The following MXD4 variants were observed in gnomAD, a reference collection of about 807,000 sequenced individuals.
MXD4 encodes MAX dimerization protein 4, also known as Mad4 homolog.
Under a neutral mutation model 24.5 loss-of-function variants are expected in MXD4, and 16 were observed. The observed-to-expected ratio is 0.65, with a 90% confidence interval of 0.44 to 0.99. The LOEUF is 0.99. MXD4 is among the 50% of genes least tolerant of loss of function. The pLI is 0.00. For missense variants in MXD4, 301 were observed against 301.5 expected, an observed-to-expected ratio of 1.00 and a Z score of 0.01; for synonymous variants, 164 against 134.2, an observed-to-expected ratio of 1.22 and a Z score of -1.54.
At chr4:2,250,727 G>A in intron 5 of MXD4, 26 bp from the exon 6 acceptor site, 1 of 1,604,378 alleles carries the variant, frequency 6.2e-7, no homozygotes, top group Non-Finnish European at 8.5e-7. Flanking sequence ...TGGGGATGGG[G>A]TCAGGCCACT....
intron 3 of MXD4, chr4:2,254,816 C>G (rs929813870): frequency 4.3e-5 from 7 of 161,056 alleles, no homozygotes; most frequent in Admixed American, 1.7e-4. Flanking sequence ...GACAGGCTGA[C>G]ATGAGAAGGG....
chr4:2,250,244 A>T lies in MXD4; in HGVS notation c.*300T>A. Reference sequence around the variant, plus strand: ...GCCGAGGTTTGCAGCAATGACGTTTAATACTTCTGGAATGATTAGGAATCT... The same window carrying T: ...GCCGAGGTTTGCAGCAATGACGTTTTATACTTCTGGAATGATTAGGAATCT... On this transcript the variant is annotated 3_prime_UTR_variant, in exon 6 of 6. Transcript: ENST00000337190. 1 of 435,014 alleles carries T rather than the reference A, an allele frequency of 2.3e-6. No individual in the cohort carries two copies. Among genetic ancestry groups the T allele is most frequent in the Non-Finnish European group, 4.1e-6 (1 of 242,726 alleles). The allele number at this position is 435,014 out of a possible 1,614,324, so 26.9% of individuals were successfully genotyped here.
rs1315845025 is a variant in MXD4, at chr4:2,261,796, C to A, written c.93G>T (p.Leu31=). 1 of 1,426,290 alleles carries A rather than the reference C, an allele frequency of 7.0e-7. No individual in the cohort carries two copies. Among genetic ancestry groups the A allele is most frequent in the Non-Finnish European group, 9.2e-7 (1 of 1,082,198 alleles). The allele number at this position is 1,426,290 out of a possible 1,614,324, so 88.4% of individuals were successfully genotyped here. A position where few individuals can be genotyped will look rare whatever the true frequency, so the allele number is the denominator to read the frequency against. Residue 31 remains leucine, a synonymous_variant, in exon 2 of 6, where the codon CTG becomes CTT. Coordinates refer to ENST00000337190, the MANE Select transcript of MXD4 (RefSeq NM_006454.3). The part of the protein sequence containing the change: ...REAEHGYASV[L]PFDGDFAREK... ...CCCTGGCGAAGTCGCCGTCGAAGGG[C>A]AGCACCGAGGCGTAGCCGTGCTCGG...
chr4:2,255,760 A>G (rs1735412711), intron 3 of MXD4, among the ~76,000 whole-genome samples: 1 of 152,164 alleles, frequency 6.6e-6, no homozygotes, highest in African/African-American at 2.4e-5. Context: ...CTGGGCTGGT[A>G]TCGACAGCAG....
intron 2 of MXD4, among the ~76,000 whole-genome samples, chr4:2,260,148 C>T (rs2108791769): frequency 6.6e-6 from 1 of 152,336 alleles, no homozygotes; most frequent in Middle Eastern, 3.4e-3. Flanking sequence ...GGGAGCGGGG[C>T]TCGGCCCAGA....
chr4:2,262,055 G>GC lies in MXD4; in HGVS notation c.-76dup. 1 of 844,974 alleles carries GC rather than the reference G, an allele frequency of 1.2e-6. No individual in the cohort carries two copies. Among genetic ancestry groups the GC allele is most frequent in the Non-Finnish European group, 1.4e-6 (1 of 701,206 alleles). 52.3% of individuals were successfully genotyped at this position (844,974 alleles called of 1,614,324 possible). On this transcript the variant is annotated 5_prime_UTR_variant, in exon 1 of 6. Transcript: ENST00000337190. ...CCCGCTCCGGCCGGCTCCGCTCGCC[G>GC]CCCACCCCGCGCGCCCGGCCGCCGC...
chr4:2,255,858 C>T (rs763479215), intron 3 of MXD4, among the ~76,000 whole-genome samples: 8 of 152,188 alleles, frequency 5.3e-5, no homozygotes, highest in East Asian at 1.9e-4. Flanking sequence ...CATGGCTCCA[C>T]GCCAGCATCC....
chr4:2,257,111 G>C (rs762828543), intron 3 of MXD4, among the ~76,000 whole-genome samples: 2 of 152,212 alleles, frequency 1.3e-5, no homozygotes, highest in African/African-American at 2.4e-5. Context: ...CCCAGCCAGC[G>C]GCCTGAATCC....
rs1265514701 is a variant in MXD4, at chr4:2,250,626, T to G, written c.548A>C (p.His183Pro). Residue 183 changes from histidine to proline, a missense_variant, in exon 6 of 6, where the codon CAC (histidine) becomes CCC (proline). Physicochemically the swap from His to Pro is moderately conservative, Grantham distance 77. Transcript: ENST00000337190. ...GCCGGTGCCACTCTGCAGGCTGTAG[T>G]GGTCGTCCGCGTCACTGCTGCTGCC... ...SVGSSSDADD[H>P]YSLQSGTGGD... 6.2e-7 allele frequency: 1 copy of G among 1,613,408 alleles called. No homozygotes were observed. The highest frequency in any genetic ancestry group is 2.2e-5 in the East Asian group (1 of 44,876).
At chr4:2,255,283 G>A (rs1201902115) in intron 3 of MXD4, 3 of 456,026 alleles carry the variant, frequency 6.6e-6, no homozygotes, top group East Asian at 1.4e-4. Context: ...CTGAGTGCCT[G>A]GGATGCGGTC....
intron 4 of MXD4, among the ~76,000 whole-genome samples, chr4:2,251,857 C>G (rs1336075674): frequency 6.6e-6 from 1 of 152,214 alleles, no homozygotes; most frequent in African/African-American, 2.4e-5. Context: ...GAGATTTGCC[C>G]TGGTTGGTCC....
chr4:2,261,351 C>A (rs1208917102), intron 2 of MXD4, among the ~76,000 whole-genome samples: 5 of 152,232 alleles, frequency 3.3e-5, no homozygotes, highest in Non-Finnish European at 7.3e-5. Flanking sequence ...CCTGGCTGAG[C>A]CTGTTTCCCC....
chr4:2,252,603 C>T, intron 3 of MXD4, 81 bp from the exon 4 acceptor site: 1 of 888,826 alleles, frequency 1.1e-6, no homozygotes, highest in Non-Finnish European at 1.7e-6. Flanking sequence ...ACAGACCCAC[C>T]CCCACCATCC....
intron 3 of MXD4, among the ~76,000 whole-genome samples, chr4:2,255,982 C>T (rs1045897071): frequency 6.6e-6 from 1 of 152,142 alleles, no homozygotes; most frequent in Non-Finnish European, 1.5e-5. Flanking sequence ...CAGAACTTCC[C>T]GAGGTATGTG....
chr4:2,261,822 C>T lies in MXD4; in HGVS notation c.67G>A (p.Ala23Thr), dbSNP rs1372751036. The T allele has an allele frequency of 2.9e-6, 4 of 1,381,924 alleles. No homozygotes were observed. The highest frequency in any genetic ancestry group is 1.5e-5 in the South Asian group (1 of 67,040). 85.6% of individuals were successfully genotyped at this position (1,381,924 alleles called of 1,614,324 possible). ...AEYLERRDRE[A>T]EHGYASVLPF... is the part of the protein sequence containing the mutation. ...AGCACCGAGGCGTAGCCGTGCTCGG[C>T]CTCTGCGGACACACGGCGCGGTCAG... is the stretch of plus-strand genomic sequence containing the variant. Residue 23 changes from alanine to threonine, a missense_variant and splice_region_variant, in exon 2 of 6, where the codon GCC (alanine) becomes ACC (threonine). Ala to Thr is a moderately conservative substitution (Grantham distance 58, BLOSUM62 0). Coordinates refer to ENST00000337190, the MANE Select transcript of MXD4 (RefSeq NM_006454.3).
At chr4:2,258,091 C>A (rs1735467183) in intron 2 of MXD4, 80 bp from the exon 3 acceptor site, 1 of 1,556,688 alleles carries the variant, frequency 6.4e-7, no homozygotes, top group Non-Finnish European at 8.8e-7. Context: ...TCCTAGGGGG[C>A]CAGGACCTGC....
At chr4:2,255,118 G>A (rs1414445818) in intron 3 of MXD4, 4 of 367,970 alleles carry the variant, frequency 1.1e-5, no homozygotes, top group Non-Finnish European at 2.2e-5. Context: ...ATGAGAAGGT[G>A]GAGGAGTGTG....
At chr4:2,257,866 G>C in intron 3 of MXD4, 116 bp downstream of exon 3, 3 of 1,358,362 alleles carry the variant, frequency 2.2e-6, no homozygotes, top group Non-Finnish European at 3.1e-6. Flanking sequence ...CAAGGACACA[G>C]CCTGGCAGCA....
chr4:2,258,778 C>G (rs1735481081), intron 2 of MXD4: 1 of 402,524 alleles, frequency 2.5e-6, no homozygotes, highest in Admixed American at 2.6e-5. Flanking sequence ...CAGGGGGACA[C>G]TGAGGCCAGC....
Sources: gnomAD v4.1 joint callset for allele counts (sites outside exome capture counted in the v4.1 genomes callset) on GRCh38, gnomAD v4.1.1 for gene constraint, MANE v1.5 for transcripts, NCBI Gene and HGNC (gene_info 2026-07-23, HGNC 2026-07-21) for gene names.